TMEFF1: variants seen among roughly 807,000 people sequenced by gnomAD.
TMEFF1 encodes the protein tomoregulin-1.
In TMEFF1, 20 loss-of-function variants were observed where a neutral mutation model predicts 47.5. The ratio of observed to expected loss-of-function variants is 0.42; its 90% CI spans 0.30 to 0.61. The LOEUF (loss-of-function observed/expected upper bound fraction) is 0.61. Among genes scored for constraint, TMEFF1 ranks in the 20% least tolerant of loss-of-function variants. The probability of loss-of-function intolerance (pLI) is 0.19; values close to 1 mark genes in which losing one functional copy is unlikely to be tolerated. For missense variants in TMEFF1, 411 were observed against 471.1 expected, an observed-to-expected ratio of 0.87 and a Z score of 1.18; for synonymous variants, 162 against 166.3, an observed-to-expected ratio of 0.97 and a Z score of 0.20.
chr9:100,560,790 A>G (rs1164507958), intron 7 of TMEFF1, among the ~76,000 whole-genome samples: 3 of 152,112 alleles, frequency 2.0e-5, no homozygotes, highest in African/African-American at 7.2e-5. Flanking sequence ...TTCTTTTTTA[A>G]CCTCTGTATT....
intron 5 of TMEFF1, among the ~76,000 whole-genome samples, chr9:100,538,545 A>G (rs1158426328): frequency 6.6e-6 from 1 of 152,238 alleles, no homozygotes; most frequent in Non-Finnish European, 1.5e-5. Context: ...CCCACATGCT[A>G]TACTGCATTT....
intron 5 of TMEFF1, among the ~76,000 whole-genome samples, chr9:100,524,902 C>T (rs1423486074): frequency 6.6e-6 from 1 of 152,144 alleles, no homozygotes; most frequent in Non-Finnish European, 1.5e-5. Context: ...GACCCCCACC[C>T]CTGGCAGGCC....
intron 5 of TMEFF1, among the ~76,000 whole-genome samples, chr9:100,523,255 A>C (rs1838198571): frequency 6.6e-6 from 1 of 152,132 alleles, no homozygotes; most frequent in Admixed American, 6.5e-5. Flanking sequence ...CTAGCCTTAG[A>C]TGCCGTGTGA....
At position 100,473,867 on chromosome 9, in the gene TMEFF1, A is replaced by G; in HGVS notation, c.196+127A>G. Reference sequence around the variant, plus strand: ...GGTCCCAGGGGTGGGCCCGAGGGTGAGCGAGGGCGGAGGGCAGGGCGCGAG... The same window carrying G: ...GGTCCCAGGGGTGGGCCCGAGGGTGGGCGAGGGCGGAGGGCAGGGCGCGAG... On this transcript the variant is annotated intron_variant, in intron 1 of 9. Coordinates refer to ENST00000374879, the MANE Select transcript of TMEFF1 (RefSeq NM_003692.5). This position sits in a 1 kb window ranked among gnomAD's most constrained non-coding sequence, Gnocchi z 5.4. 2 of 1,178,530 alleles carry G rather than the reference A, an allele frequency of 1.7e-6. No homozygotes were observed. Among genetic ancestry groups the G allele is most frequent in the Non-Finnish European group, 2.2e-6 (2 of 905,862 alleles). The allele number at this position is 1,178,530 out of a possible 1,614,324, so 73.0% of individuals were successfully genotyped here.
intron 1 of TMEFF1, among the ~76,000 whole-genome samples, chr9:100,475,388 C>G (rs936937253): frequency 6.6e-6 from 1 of 152,128 alleles, no homozygotes; most frequent in African/African-American, 2.4e-5. Context: ...TGTTATTTTT[C>G]TGATGTTGAA....
intron 5 of TMEFF1, among the ~76,000 whole-genome samples, chr9:100,547,478 G>A (rs1215188311): frequency 6.6e-6 from 1 of 152,136 alleles, no homozygotes; most frequent in African/African-American, 2.4e-5. Flanking sequence ...TAATGTCATT[G>A]ATATTTGACA....
At position 100,576,610 on chromosome 9, in the gene TMEFF1, T is replaced by A; in HGVS notation, c.*10T>A. 6.2e-7 allele frequency: 1 copy of A among 1,607,412 alleles called. No individual in the cohort carries two copies. Among genetic ancestry groups the A allele is most frequent in the Non-Finnish European group, 8.5e-7 (1 of 1,178,084 alleles). ...ATCCAGAATGGTTTAAACTGATGACTTTTATATGTACACTGACCATGTGAT... is the reference window on the plus strand; with the variant it reads ...ATCCAGAATGGTTTAAACTGATGACATTTATATGTACACTGACCATGTGAT... On this transcript the variant is annotated 3_prime_UTR_variant, in exon 10 of 10. Coordinates refer to ENST00000374879, the MANE Select transcript of TMEFF1 (RefSeq NM_003692.5).
At chr9:100,522,353 A>G (rs1239996737) in intron 5 of TMEFF1, among the ~76,000 whole-genome samples, 2 of 151,804 alleles carry the variant, frequency 1.3e-5, no homozygotes, top group Non-Finnish European at 2.9e-5. Flanking sequence ...TAAAACACAA[A>G]CATTATTAAG....
chr9:100,558,622 A>G (rs1458479017), intron 7 of TMEFF1, among the ~76,000 whole-genome samples: 1 of 151,812 alleles, frequency 6.6e-6, no homozygotes, highest in East Asian at 1.9e-4. Flanking sequence ...TACTGCAGAC[A>G]GCCCAGTTCA....
At chr9:100,485,680 C>T (rs1223322490) in intron 1 of TMEFF1, among the ~76,000 whole-genome samples, 2 of 151,842 alleles carry the variant, frequency 1.3e-5, no homozygotes, top group East Asian at 3.9e-4. Flanking sequence ...TCATTTTTTA[C>T]ATTGTTAGAA....
chr9:100,530,313 G>T (rs1360438697), intron 5 of TMEFF1, among the ~76,000 whole-genome samples: 2 of 152,040 alleles, frequency 1.3e-5, no homozygotes, highest in South Asian at 4.2e-4. Flanking sequence ...TTTTTGAAAG[G>T]ATCAACAAAA....
intron 5 of TMEFF1, among the ~76,000 whole-genome samples, chr9:100,522,503 T>TCTTG (rs1838181692): frequency 7.7e-6 from 1 of 129,904 alleles, no homozygotes; most frequent in African/African-American, 2.8e-5. Context: ...AGTGGCACAA[T>TCTTG]CTTGGCTCAC....
chr9:100,487,187 AG>A (rs1158291410), intron 1 of TMEFF1, among the ~76,000 whole-genome samples: 2 of 151,192 alleles, frequency 1.3e-5, no homozygotes, highest in Non-Finnish European at 2.9e-5. Flanking sequence ...TTTTTGAGGC[AG>A]GGTCTCACTC....
At chr9:100,500,787 A>G (rs189128308) in intron 2 of TMEFF1, among the ~76,000 whole-genome samples, 278 of 152,298 alleles carry the variant, frequency 1.8e-3, no homozygotes, top group Middle Eastern at 6.8e-3. Flanking sequence ...TTTATCCTAT[A>G]CATTGTGAAT....
intron 5 of TMEFF1, among the ~76,000 whole-genome samples, chr9:100,518,731 G>A (rs1285570777): frequency 1.3e-5 from 2 of 152,292 alleles, no homozygotes; most frequent in South Asian, 2.1e-4. Context: ...CAGTGTAAAT[G>A]TATCTCAGTG....
chr9:100,576,387 T>C, intron 9 of TMEFF1, 129 bp from the exon 10 acceptor site: 1 of 1,163,948 alleles, frequency 8.6e-7, no homozygotes, highest in East Asian at 2.6e-5. Flanking sequence ...CCATCTCATT[T>C]CCCTTTCATG....
chr9:100,552,861 T>TG (rs769187797), intron 7 of TMEFF1, among the ~76,000 whole-genome samples: 2 of 124,434 alleles, frequency 1.6e-5, no homozygotes, highest in Non-Finnish European at 3.4e-5. Flanking sequence ...GACACTGTTT[T>TG]GGAAAAAAAA....
At chr9:100,490,863 G>A (rs1837539180) in intron 1 of TMEFF1, among the ~76,000 whole-genome samples, 1 of 151,208 alleles carries the variant, frequency 6.6e-6, no homozygotes, top group Non-Finnish European at 1.5e-5. Flanking sequence ...GTGTGTGTGT[G>A]TGTGTGTGTA....
At chr9:100,556,660 T>C (rs117218092) in intron 7 of TMEFF1, among the ~76,000 whole-genome samples, 293 of 152,306 alleles carry the variant, frequency 1.9e-3, no homozygotes, top group African/African-American at 2.8e-3. Flanking sequence ...CTGAGAGTTA[T>C]AAAACTAAAG....
Sources: gnomAD v4.1 joint callset for allele counts (sites outside exome capture counted in the v4.1 genomes callset) on GRCh38, gnomAD v4.1.1 for gene constraint, Gnocchi (gnomAD v3.1) non-coding constraint, MANE v1.5 for transcripts, NCBI Gene and HGNC (gene_info 2026-07-23, HGNC 2026-07-21) for gene names.